Variants in CDYL2 observed in about 807,000 individuals in gnomAD.
CDYL2 encodes chromodomain Y-like protein 2.
CDYL2 carries 23 observed loss-of-function variants against 49.4 expected under a neutral mutation model. That is an observed-to-expected ratio of 0.47 (90% CI 0.34 to 0.66). CDYL2 has a LOEUF of 0.66. Among genes scored for constraint, CDYL2 ranks in the 30% least tolerant of loss-of-function variants. The pLI, the probability that CDYL2 is intolerant of heterozygous loss-of-function variation, is 0.01. For synonymous variants in CDYL2, 360 were observed against 268.8 expected, an observed-to-expected ratio of 1.34 and a Z score of -3.32; for missense variants, 678 against 656.4, an observed-to-expected ratio of 1.03 and a Z score of -0.36.
At chr16:80,744,482 C>G (rs530552539) in intron 1 of CDYL2, among the ~76,000 whole-genome samples, 1 of 117,464 alleles carries the variant, frequency 8.5e-6, no homozygotes, top group South Asian at 3.5e-4. Flanking sequence ...AGGTGATGAC[C>G]AAAAGAAGGA....
intron 1 of CDYL2, among the ~76,000 whole-genome samples, chr16:80,731,839 G>T (rs1307770826): frequency 6.6e-6 from 1 of 151,784 alleles, no homozygotes. Flanking sequence ...TTGAGGATGT[G>T]CTCCACCATA....
chr16:80,770,996 G>A (rs1348552969), intron 1 of CDYL2, among the ~76,000 whole-genome samples: 2 of 152,126 alleles, frequency 1.3e-5, no homozygotes, highest in African/African-American at 4.8e-5. Context: ...AATCCCACTG[G>A]GACCCCAAAA....
chr16:80,725,394 T>A (rs1905132715), intron 1 of CDYL2, among the ~76,000 whole-genome samples: 2 of 152,192 alleles, frequency 1.3e-5, no homozygotes, highest in African/African-American at 4.8e-5. Flanking sequence ...ATTTGTGGGA[T>A]TCATGGTGAC....
chr16:80,645,917 T>C (rs1485289743), intron 2 of CDYL2, among the ~76,000 whole-genome samples: 2 of 137,824 alleles, frequency 1.5e-5, no homozygotes, highest in African/African-American at 2.8e-5. Flanking sequence ...TTCTCACTCA[T>C]AGGTGGGAAT....
Position 80,612,934 on chromosome 16 carries a change from G to T in CDYL2, c.1008-98C>A, listed in dbSNP as rs1289034340. 3 of 1,103,714 alleles carry T rather than the reference G, an allele frequency of 2.7e-6. No individual in the cohort carries two copies. The highest frequency in any genetic ancestry group is 3.2e-5 in the African/African-American group (2 of 63,004). The allele number at this position is 1,103,714 out of a possible 1,614,324, so 68.4% of individuals were successfully genotyped here. On this transcript the variant is annotated intron_variant, in intron 4 of 6. Coordinates refer to ENST00000570137, the MANE Select transcript of CDYL2 (RefSeq NM_152342.4). This position sits in a 1 kb window ranked among gnomAD's most constrained non-coding sequence, Gnocchi z 5.0. Reference sequence around the variant, plus strand: ...CCAGGTGCTGTGAGGAGCACCCTCAGGTCGTCAGAGGTTAGAGGTGCCAGG... The same window carrying T: ...CCAGGTGCTGTGAGGAGCACCCTCATGTCGTCAGAGGTTAGAGGTGCCAGG...
At chr16:80,796,364 G>C (rs74561818) in intron 1 of CDYL2, among the ~76,000 whole-genome samples, 21,472 of 152,162 alleles carry the variant, frequency 0.14, 1,681 homozygotes, top group Non-Finnish European at 0.18. Context: ...GATTTTGACT[G>C]AGTAACTGGA....
intron 3 of CDYL2, among the ~76,000 whole-genome samples, chr16:80,623,246 G>A (rs1027343783): frequency 1.3e-5 from 2 of 152,038 alleles, no homozygotes; most frequent in Non-Finnish European, 2.9e-5. Context: ...CTGGGGCTAC[G>A]GTTGGGCACA....
rs147771086 is a variant in CDYL2, at chr16:80,784,381, T to G, written c.24+19769A>C. On this transcript the variant is annotated intron_variant, in intron 1 of 6. Transcript: ENST00000570137. ...CATTCATATTATTTTTAAAAAATATTTATTCTGCAATTTAGGCTCTGGTTT... is the reference window on the plus strand; with the variant it reads ...CATTCATATTATTTTTAAAAAATATGTATTCTGCAATTTAGGCTCTGGTTT... 4.2e-3 allele frequency among the ~76,000 whole-genome samples: 642 copies of G among 152,312 alleles called. 2 individuals are homozygous for G. The highest frequency in any genetic ancestry group is 0.015 in the African/African-American group (620 of 41,560).
At chr16:80,721,835 C>G (rs1255046276) in intron 1 of CDYL2, among the ~76,000 whole-genome samples, 1 of 152,178 alleles carries the variant, frequency 6.6e-6, no homozygotes, top group Non-Finnish European at 1.5e-5. Flanking sequence ...TGGTGCCATG[C>G]AGTCCCCACA....
intron 1 of CDYL2, among the ~76,000 whole-genome samples, chr16:80,770,622 T>A (rs370660592): frequency 1.4e-4 from 21 of 152,198 alleles, no homozygotes; most frequent in African/African-American, 5.1e-4. Context: ...ATGGGGCAGA[T>A]GTGCCATAAA....
At chr16:80,686,378 C>A (rs1450708414) in intron 1 of CDYL2, among the ~76,000 whole-genome samples, 1 of 152,150 alleles carries the variant, frequency 6.6e-6, no homozygotes, top group Non-Finnish European at 1.5e-5. Context: ...CCTCCAAATG[C>A]TAAATTTCAA....
At chr16:80,761,349 T>A (rs149972573) in intron 1 of CDYL2, among the ~76,000 whole-genome samples, 214 of 152,370 alleles carry the variant, frequency 1.4e-3, no homozygotes, top group African/African-American at 5.0e-3. Context: ...TGTTTCCTCA[T>A]CTGTGAATTT....
At chr16:80,716,733 G>A (rs957431361) in intron 1 of CDYL2, among the ~76,000 whole-genome samples, 3 of 152,252 alleles carry the variant, frequency 2.0e-5, no homozygotes, top group African/African-American at 7.2e-5. Context: ...ATGGATAATG[G>A]ATGGATCGAT....
Position 80,603,822 on chromosome 16 carries a change from C to G in CDYL2, c.*566G>C, listed in dbSNP as rs1390684215. On this transcript the variant is annotated 3_prime_UTR_variant, in exon 7 of 7. Transcript: ENST00000570137. ...CAAAACATTTCTAAATGTACAATAT[C>G]TGGGTTTGCAAATCACTCAATTGGG... 1.3e-5 allele frequency: 2 copies of G among 152,792 alleles called. No homozygotes were observed. The highest frequency in any genetic ancestry group is 2.9e-5 in the Non-Finnish European group (2 of 68,194). 9.5% of individuals were successfully genotyped at this position (152,792 alleles called of 1,614,324 possible).
Position 80,603,483 on chromosome 16 carries a change from G to C in CDYL2, c.*905C>G, listed in dbSNP as rs1906187141. On this transcript the variant is annotated 3_prime_UTR_variant, in exon 7 of 7. Transcript: ENST00000570137. ...ACAGCTGAGAACCGTTTTACACAGA[G>C]GTGCAGCGCTATTCCTTTTGTCCAC... 1 of 152,156 alleles carries C rather than the reference G, an allele frequency of 6.6e-6. No individual in the cohort carries two copies. The highest frequency in any genetic ancestry group is 2.4e-5 in the African/African-American group (1 of 41,444). 9.4% of individuals were successfully genotyped at this position (152,156 alleles called of 1,614,324 possible).
chr16:80,714,033 A>C (rs1904711110), intron 1 of CDYL2, among the ~76,000 whole-genome samples: 1 of 152,174 alleles, frequency 6.6e-6, no homozygotes, highest in South Asian at 2.1e-4. Flanking sequence ...AGCCATTCCC[A>C]CGTTGCCTAT....
At chr16:80,638,842 T>A (rs1390379731) in intron 2 of CDYL2, among the ~76,000 whole-genome samples, 1 of 152,118 alleles carries the variant, frequency 6.6e-6, no homozygotes, top group East Asian at 1.9e-4. Flanking sequence ...TCAATATGAA[T>A]CATAGACCTA....
intron 1 of CDYL2, among the ~76,000 whole-genome samples, chr16:80,712,185 GTGTGTGTATA>G (rs1362838715): frequency 6.4e-5 from 1 of 15,566 alleles, no homozygotes; most frequent in Non-Finnish European, 1.1e-4. Context: ...CTTTGTGTCT[GTGTGTGTATA>G]TATATATATA....
chr16:80,620,861 C>T lies in CDYL2; in HGVS notation c.909G>A (p.Val303=), dbSNP rs1334458195. ...DDSKLLLLSA[V]GSVFCSGLDY... ...CCAGGCCGCTGCAGAACACGCTCCC[C>T]ACTGCGCTGAGGAGCAGCAGTTTGC... is the stretch of plus-strand genomic sequence containing the variant. The change falls in exon 4 of 7, where the codon GTG becomes GTA. Residue 303 remains valine, a synonymous_variant. Coordinates refer to ENST00000570137, the MANE Select transcript of CDYL2 (RefSeq NM_152342.4). 1.2e-6 allele frequency: 2 copies of T among 1,613,346 alleles called. No homozygotes were observed. Among genetic ancestry groups the T allele is most frequent in the Admixed American group, 1.7e-5 (1 of 59,974 alleles).
Sources: gnomAD v4.1 joint callset for allele counts (sites outside exome capture counted in the v4.1 genomes callset) on GRCh38, gnomAD v4.1.1 for gene constraint, Gnocchi (gnomAD v3.1) non-coding constraint, MANE v1.5 for transcripts, NCBI Gene and HGNC (gene_info 2026-07-23, HGNC 2026-07-21) for gene names.